The following ABL2 variants were observed in gnomAD, a reference collection of about 807,000 sequenced individuals.
ABL2 encodes tyrosine-protein kinase ABL2.
ABL2 carries 49 observed loss-of-function variants against 107.7 expected under a neutral mutation model. The observed-to-expected ratio is 0.45, with a 90% CI of 0.36 to 0.58. ABL2 has a LOEUF of 0.58. ABL2 is among the 20% of genes least tolerant of loss of function. The pLI is 0.00. For missense variants in ABL2, 1,245 were observed against 1,457.0 expected, an observed-to-expected ratio of 0.85 and a Z score of 2.37; for synonymous variants, 549 against 548.6, an observed-to-expected ratio of 1.00 and a Z score of -0.01.
At chr1:179,176,205 G>C (rs1228959403) in intron 1 of ABL2, among the ~76,000 whole-genome samples, 4 of 152,116 alleles carry the variant, frequency 2.6e-5, no homozygotes, top group Admixed American at 2.6e-4. Context: ...TCGTTAGTGA[G>C]GGCGGTGGGA....
chr1:179,142,943 G>A (rs767920095), intron 1 of ABL2: 44 of 1,613,962 alleles, frequency 2.7e-5, no homozygotes, highest in Middle Eastern at 1.6e-4. Flanking sequence ...CTGTTAAGTC[G>A]GGTAGAGCAG....
chr1:179,175,610 C>T (rs1386416196), intron 1 of ABL2, among the ~76,000 whole-genome samples: 4 of 152,146 alleles, frequency 2.6e-5, no homozygotes, highest in Non-Finnish European at 4.4e-5. Flanking sequence ...AACCACTGTC[C>T]TTAAATGGAT....
At chr1:179,124,892 C>CAT (rs1367600077) in intron 4 of ABL2, among the ~76,000 whole-genome samples, 1 of 152,100 alleles carries the variant, frequency 6.6e-6, no homozygotes, top group Non-Finnish European at 1.5e-5. Flanking sequence ...TAAGGTATAC[C>CAT]ATTTCATGGT....
Position 179,215,907 on chromosome 1 carries a change from C to T in ABL2, c.157+13334G>A, listed in dbSNP as rs185505435. Among the ~76,000 whole-genome samples, 16 of 152,162 alleles carry T rather than the reference C, an allele frequency of 1.1e-4. 1 individual carries two copies. The East Asian group carries it at 2.5e-3, about 24-fold the overall frequency. On this transcript the variant is annotated intron_variant, in intron 1 of 11. Coordinates refer to ENST00000502732, the MANE Select transcript of ABL2 (RefSeq NM_007314.4). ...GGTAATCTTCAGTCCTAACTCAGTA[C>T]TGTTTTTTTAATTTGCTGGAATTAG... is the stretch of plus-strand genomic sequence containing the variant.
intron 1 of ABL2, among the ~76,000 whole-genome samples, chr1:179,206,218 G>A (rs1357923987): frequency 6.6e-6 from 1 of 152,054 alleles, no homozygotes; most frequent in Non-Finnish European, 1.5e-5. Flanking sequence ...TATTTGACAG[G>A]CAAATTAAGA....
intron 1 of ABL2, among the ~76,000 whole-genome samples, chr1:179,136,448 C>G (rs1457309556): frequency 6.6e-6 from 1 of 152,192 alleles, no homozygotes; most frequent in African/African-American, 2.4e-5. Flanking sequence ...GCTGCATCCA[C>G]TCAGGGTTGA....
intron 1 of ABL2, among the ~76,000 whole-genome samples, chr1:179,174,252 C>A (rs1402950821): frequency 6.6e-6 from 1 of 151,262 alleles, no homozygotes; most frequent in Admixed American, 6.6e-5. Flanking sequence ...CGTGCCACTG[C>A]ACTCCAGCCT....
chr1:179,110,616 G>C, intron 10 of ABL2, 161 bp from the exon 11 acceptor site: 1 of 1,507,652 alleles, frequency 6.6e-7, no homozygotes, highest in Non-Finnish European at 8.9e-7. Flanking sequence ...GGCTTCTTTC[G>C]CCCAGTATCA....
intron 1 of ABL2, among the ~76,000 whole-genome samples, chr1:179,211,974 A>C (rs1662302042): frequency 6.6e-6 from 1 of 152,140 alleles, no homozygotes; most frequent in African/African-American, 2.4e-5. Context: ...CGCTACTGTG[A>C]AGAAATACCA....
chr1:179,185,306 T>C (rs191793176), intron 1 of ABL2, among the ~76,000 whole-genome samples: 51 of 152,310 alleles, frequency 3.3e-4, no homozygotes, highest in African/African-American at 1.1e-3. Flanking sequence ...CAGACATCCT[T>C]GCAGTTTAAG....
chr1:179,107,999 G>A lies in ABL2; in HGVS notation c.3268C>T (p.Leu1090=), dbSNP rs2102572776. 2 of 1,614,234 alleles carry A rather than the reference G, an allele frequency of 1.2e-6. No individual in the cohort carries two copies. Among genetic ancestry groups the A allele is most frequent in the Non-Finnish European group, 1.7e-6 (2 of 1,180,042 alleles). ...CTGGACAGTAGGTCAGCACATTCCA[G>A]CAGGGCCTCTTTGCTGATTTTGTCT... The part of the protein sequence containing the change: ...SADKISKEAL[L]ECADLLSSAL... The change falls in exon 12 of 12, where the codon CTG becomes TTG. Residue 1090 remains leucine, a synonymous_variant. Coordinates refer to ENST00000502732, the MANE Select transcript of ABL2 (RefSeq NM_007314.4).
chr1:179,147,011 A>C (rs949490887), intron 1 of ABL2, among the ~76,000 whole-genome samples: 1 of 151,834 alleles, frequency 6.6e-6, no homozygotes, highest in Non-Finnish European at 1.5e-5. Context: ...GTAGTGAGCC[A>C]AGATCACAGC....
chr1:179,108,209 CCTGTGTTT>C lies in ABL2; in HGVS notation c.3050_3057del (p.Glu1017GlyfsTer47), dbSNP rs1220591752. 1.2e-6 allele frequency: 2 copies of C among 1,614,056 alleles called. No individual in the cohort carries two copies. Among genetic ancestry groups the C allele is most frequent in the African/African-American group, 2.7e-5 (2 of 74,914 alleles). On this transcript the variant is annotated frameshift_variant, in exon 12 of 12. Coordinates refer to ENST00000502732, the MANE Select transcript of ABL2 (RefSeq NM_007314.4). LOFTEE classifies it high-confidence loss of function. ...CCCAGAGCTGCCTTCTTTCCTCCTT[CCTGTGTTT>C]CTGATGTGGACTGTCCTGCAGTTAG...
At position 179,220,164 on chromosome 1, in the gene ABL2, T is replaced by C. The variant is rs568925699; in HGVS notation, c.157+9077A>G. ...TCCCAGCTCTATCATTTAACAGCTATGTAACCTCAAGAAGTCACTTAATTT... is the reference window on the plus strand; with the variant it reads ...TCCCAGCTCTATCATTTAACAGCTACGTAACCTCAAGAAGTCACTTAATTT... On this transcript the variant is annotated intron_variant, in intron 1 of 11. Coordinates refer to ENST00000502732, the MANE Select transcript of ABL2 (RefSeq NM_007314.4). Among the ~76,000 whole-genome samples the C allele has an allele frequency of 3.9e-5, 6 of 152,370 alleles. No individual in the cohort carries two copies. In the East Asian group the frequency reaches 9.6e-4, roughly 24 times the overall value.
At chr1:179,151,393 A>G (rs796378854) in intron 1 of ABL2, among the ~76,000 whole-genome samples, 8 of 152,336 alleles carry the variant, frequency 5.3e-5, no homozygotes, top group African/African-American at 1.9e-4. Context: ...CCTTTGCCTA[A>G]GCTCAAAGCA....
intron 2 of ABL2, among the ~76,000 whole-genome samples, chr1:179,131,770 C>T (rs192768318): frequency 4.6e-5 from 7 of 152,252 alleles, no homozygotes; most frequent in South Asian, 2.1e-4. Flanking sequence ...TAATAGGAAA[C>T]GCAGTTTTCT....
In ABL2 at chr1:179,121,668, C is replaced by T. The variant is rs1655208482; in HGVS notation, c.887G>A (p.Gly296Asp). 2 of 1,614,170 alleles carry T rather than the reference C, an allele frequency of 1.2e-6. No homozygotes were observed. Among genetic ancestry groups the T allele is most frequent in the Non-Finnish European group, 1.7e-6 (2 of 1,180,038 alleles). ...TDITMKHKLG[G>D]GQYGEVYVGV... ...AACGTAAACCTCTCCATACTGACCG[C>T]CCCCAAGTTTGTGCTTCATGGTAAT... The change falls in exon 5 of 12, where the codon GGC becomes GAC. Residue 296 changes from glycine to aspartate, a missense_variant. Physicochemically the swap from Gly to Asp is moderately conservative, Grantham distance 94. Coordinates refer to ENST00000502732, the MANE Select transcript of ABL2 (RefSeq NM_007314.4).
intron 1 of ABL2, chr1:179,201,954 C>T: frequency 1.7e-6 from 2 of 1,168,632 alleles, no homozygotes; most frequent in Non-Finnish European, 2.1e-6. Context: ...CAACCCCAGC[C>T]AGGGCTCAAT....
At chr1:179,191,436 T>TC (rs1016953880) in intron 1 of ABL2, among the ~76,000 whole-genome samples, 3 of 143,994 alleles carry the variant, frequency 2.1e-5, no homozygotes, top group Non-Finnish European at 4.5e-5. Context: ...TTTTTTTTTT[T>TC]TGAGACGGAG....
Sources: gnomAD v4.1 joint callset for allele counts (sites outside exome capture counted in the v4.1 genomes callset) on GRCh38, gnomAD v4.1.1 for gene constraint, MANE v1.5 for transcripts, NCBI Gene and HGNC (gene_info 2026-07-23, HGNC 2026-07-21) for gene names.